The following TMEM41B variants were observed in gnomAD, a reference collection of about 807,000 sequenced individuals.
The protein encoded by TMEM41B is transmembrane protein 41B, also known as protein stasimon.
TMEM41B carries 18 observed loss-of-function variants against 31.9 expected under a neutral mutation model. The ratio of observed to expected loss-of-function variants is 0.56; its 90% CI spans 0.39 to 0.84. The LOEUF is 0.84. Among genes scored for constraint, TMEM41B ranks in the 40% least tolerant of loss-of-function variants. The pLI is 0.00. For synonymous variants in TMEM41B, 144 were observed against 124.3 expected, an observed-to-expected ratio of 1.16 and a Z score of -1.05; for missense variants, 322 against 348.0, an observed-to-expected ratio of 0.93 and a Z score of 0.59.
At position 9,314,578 on chromosome 11, in the gene TMEM41B, G is replaced by A. The variant is rs924145455; in HGVS notation, c.-137C>T. 1.8e-5 allele frequency: 23 copies of A among 1,277,922 alleles called. No homozygotes were observed. The highest frequency in any genetic ancestry group is 3.1e-5 in the South Asian group (2 of 65,462). The allele number at this position is 1,277,922 out of a possible 1,614,324, so 79.2% of individuals were successfully genotyped here. A position where few individuals can be genotyped will look rare whatever the true frequency, so the allele number is the denominator to read the frequency against. On this transcript the variant is annotated 5_prime_UTR_variant, in exon 1 of 7. Transcript: ENST00000528080. ...GACCTCCTCACCCGAGACGACCTCA[G>A]CCCAGCGAGTACTGCAACCTCCTGC...
intron 1 of TMEM41B, chr11:9,311,294 G>A: frequency 4.6e-6 from 7 of 1,519,180 alleles, no homozygotes; most frequent in Non-Finnish European, 5.4e-6. Flanking sequence ...CAGAATCACT[G>A]CTGGAAGAGG....
At chr11:9,308,005 G>A (rs1258167854) in intron 1 of TMEM41B, among the ~76,000 whole-genome samples, 3 of 152,034 alleles carry the variant, frequency 2.0e-5, no homozygotes, top group Non-Finnish European at 4.4e-5. Context: ...CAAAGTGCTG[G>A]GATTACAGGC....
chr11:9,298,013 A>AT (rs1554943748), intron 2 of TMEM41B, among the ~76,000 whole-genome samples: 1 of 145,670 alleles, frequency 6.9e-6, no homozygotes, highest in Non-Finnish European at 1.5e-5. Context: ...GCAGTGAGCC[A>AT]TAACTGTGCC....
intron 2 of TMEM41B, among the ~76,000 whole-genome samples, chr11:9,295,642 C>T (rs1285951184): frequency 4.0e-5 from 6 of 151,664 alleles, no homozygotes; most frequent in Non-Finnish European, 5.9e-5. Flanking sequence ...ACAAACGATT[C>T]TCCTGCCTCA....
intron 1 of TMEM41B, among the ~76,000 whole-genome samples, chr11:9,301,634 T>C (rs1007149729): frequency 1.3e-5 from 2 of 152,144 alleles, no homozygotes; most frequent in Non-Finnish European, 1.5e-5. Flanking sequence ...GTAGCCCCTA[T>C]TCTAACATTC....
intron 5 of TMEM41B, among the ~76,000 whole-genome samples, chr11:9,287,452 G>A (rs1451847399): frequency 6.6e-6 from 1 of 152,190 alleles, no homozygotes; most frequent in Admixed American, 6.5e-5. Context: ...CTTCTCTGCT[G>A]ATTAAATTTA....
Position 9,283,559 on chromosome 11 carries a change from T to A in TMEM41B, c.741A>T (p.Ala247=). 1 of 1,609,972 alleles carries A rather than the reference T, an allele frequency of 6.2e-7. No homozygotes were observed. Among genetic ancestry groups the A allele is most frequent in the African/African-American group, 1.3e-5 (1 of 74,884 alleles). The change falls in exon 7 of 7, where the codon GCA becomes GCT. Residue 247 remains alanine, a synonymous_variant. Transcript: ENST00000528080. ...TTGTAAGTTGATACAGTGTTGTTCC[T>A]GCCTTAATGGCTACAAAAGAAGGAG... is the stretch of plus-strand genomic sequence containing the variant. ...VAPPSFVAIK[A]GTTLYQLTTA...
chr11:9,311,487 T>A (rs1853559766), intron 1 of TMEM41B: 4 of 1,422,132 alleles, frequency 2.8e-6, no homozygotes, highest in Non-Finnish European at 3.9e-6. Context: ...GCATCCTGGA[T>A]ACCCTGGCTG....
chr11:9,312,782 T>C (rs1337011574), intron 1 of TMEM41B, among the ~76,000 whole-genome samples: 1 of 151,348 alleles, frequency 6.6e-6, no homozygotes. Flanking sequence ...TGGGCGCCTG[T>C]AGTCCCAGCT....
At chr11:9,285,738 T>C (rs1852821221) in intron 6 of TMEM41B, among the ~76,000 whole-genome samples, 1 of 150,084 alleles carries the variant, frequency 6.7e-6, no homozygotes, top group East Asian at 1.9e-4. Flanking sequence ...ATCAATTCTC[T>C]ACTGAAAATT....
At chr11:9,312,389 A>G (rs1486824603) in intron 1 of TMEM41B, among the ~76,000 whole-genome samples, 1 of 152,174 alleles carries the variant, frequency 6.6e-6, no homozygotes, top group African/African-American at 2.4e-5. Flanking sequence ...GTAGTCAGCT[A>G]TTTGAGGGGG....
intron 1 of TMEM41B, among the ~76,000 whole-genome samples, chr11:9,305,943 C>G (rs1192169129): frequency 6.7e-6 from 1 of 149,498 alleles, no homozygotes; most frequent in Non-Finnish European, 1.5e-5. Flanking sequence ...ACACATGTGC[C>G]TTTTAGCATT....
intron 1 of TMEM41B, among the ~76,000 whole-genome samples, chr11:9,304,098 C>T (rs888335096): frequency 1.3e-5 from 2 of 152,182 alleles, no homozygotes; most frequent in African/African-American, 4.8e-5. Flanking sequence ...AAGGTACCTT[C>T]TGATGGAACA....
intron 3 of TMEM41B, among the ~76,000 whole-genome samples, chr11:9,291,543 A>C (rs1469117243): frequency 6.6e-6 from 1 of 151,534 alleles, no homozygotes; most frequent in African/African-American, 2.4e-5. Flanking sequence ...CTTGGATTAC[A>C]AGCGTGTGCC....
In TMEM41B at chr11:9,302,206, T is replaced by C. The variant is rs1853281676; in HGVS notation, c.122-2505A>G. On this transcript the variant is annotated intron_variant, in intron 1 of 6. Coordinates refer to ENST00000528080, the MANE Select transcript of TMEM41B (RefSeq NM_015012.4). Reference sequence around the variant, plus strand: ...TTGTATTTTTAGTAGGGATGGGGTTTCACCATGTTAGCCAGGATGGTCTTA... The same window carrying C: ...TTGTATTTTTAGTAGGGATGGGGTTCCACCATGTTAGCCAGGATGGTCTTA... Among the ~76,000 whole-genome samples, 5 of 98,438 alleles carry C rather than the reference T, an allele frequency of 5.1e-5. 2 individuals are homozygous for C. The highest frequency in any genetic ancestry group is 3.2e-4 in the South Asian group (1 of 3,148). The allele number at this position is 98,438 out of a possible 152,430, so 64.6% of individuals were successfully genotyped here.
In TMEM41B at chr11:9,314,543, C is replaced by A; in HGVS notation, c.-102G>T. ...CGCCGAAGCGCCACGGCTAGAGCCACTTCCGGCGCGACCTCCTCACCCGAG... is the reference window on the plus strand; with the variant it reads ...CGCCGAAGCGCCACGGCTAGAGCCAATTCCGGCGCGACCTCCTCACCCGAG... On this transcript the variant is annotated 5_prime_UTR_variant, in exon 1 of 7. Coordinates refer to ENST00000528080, the MANE Select transcript of TMEM41B (RefSeq NM_015012.4). 1 of 1,433,954 alleles carries A rather than the reference C, an allele frequency of 7.0e-7. No homozygotes were observed. Among genetic ancestry groups the A allele is most frequent in the Non-Finnish European group, 9.2e-7 (1 of 1,091,466 alleles). The allele number at this position is 1,433,954 out of a possible 1,614,324, so 88.8% of individuals were successfully genotyped here.
rs1027802053 is a variant in TMEM41B at position 9,288,313 on chromosome 11, G to T, written c.462+129C>A. On this transcript the variant is annotated intron_variant, in intron 4 of 6. Transcript: ENST00000528080. ...AAATTATAACACCTCCTTGTGGAGG[G>T]ACTTTAACATTAACTCCTCTTCAAT... 4 of 624,080 alleles carry T rather than the reference G, an allele frequency of 6.4e-6. No individual in the cohort carries two copies. The Admixed American group carries it at 1.1e-4, about 17-fold the overall frequency. The allele number at this position is 624,080 out of a possible 1,614,324, so 38.7% of individuals were successfully genotyped here. A position where few individuals can be genotyped will look rare whatever the true frequency, so the allele number is the denominator to read the frequency against.
chr11:9,299,755 C>T (rs1590382085), intron 1 of TMEM41B, 54 bp from the exon 2 acceptor site: 2 of 1,235,876 alleles, frequency 1.6e-6, no homozygotes, highest in East Asian at 4.7e-5. Flanking sequence ...GACATGCTAG[C>T]AAATAATTTC....
At chr11:9,311,421 G>A (rs1456198628) in intron 1 of TMEM41B, 1 of 1,392,128 alleles carries the variant, frequency 7.2e-7, no homozygotes, top group South Asian at 1.2e-5. Flanking sequence ...GGGACTCACA[G>A]GAGGCATTCC....
Sources: gnomAD v4.1 joint callset for allele counts (sites outside exome capture counted in the v4.1 genomes callset) on GRCh38, gnomAD v4.1.1 for gene constraint, MANE v1.5 for transcripts, NCBI Gene and HGNC (gene_info 2026-07-23, HGNC 2026-07-21) for gene names.